Variants in BCAM observed in about 807,000 individuals in gnomAD.
BCAM encodes basal cell adhesion molecule (Lutheran blood group).
A neutral mutation model predicts 72.4 loss-of-function variants in BCAM; 61 were observed. That is an observed-to-expected ratio of 0.84 (90% CI 0.69 to 1.04). The LOEUF (loss-of-function observed/expected upper bound fraction) is 1.04, where lower values mean the gene tolerates loss of function less well. Among genes scored for constraint, BCAM ranks in the 50% least tolerant of loss-of-function variants. The probability of loss-of-function intolerance (pLI) is 0.00; values close to 1 mark genes in which losing one functional copy is unlikely to be tolerated. For missense variants in BCAM, 909 were observed against 895.0 expected (o/e 1.02, Z -0.20); for synonymous variants, 408 against 384.2 (o/e 1.06, Z -0.73).
rs1968583453 is a variant in BCAM at position 44,821,024 on chromosome 19, C to T, written c.*103C>T. The T allele has an allele frequency of 2.9e-6, 4 of 1,367,510 alleles. No individual in the cohort carries two copies. The highest frequency in any genetic ancestry group is 3.8e-6 in the Non-Finnish European group (4 of 1,042,586). The allele number at this position is 1,367,510 out of a possible 1,614,324, so 84.7% of individuals were successfully genotyped here. ...GCCCCCGCCTTCCCTCTTCCCTCTT[C>T]CCTCTCCCTGCCCAGCCCTCCCTTC... is the stretch of plus-strand genomic sequence containing the variant. On this transcript the variant is annotated 3_prime_UTR_variant, in exon 15 of 15. Coordinates refer to ENST00000270233, the MANE Select transcript of BCAM (RefSeq NM_005581.5).
chr19:44,813,794 C>T lies in BCAM; in HGVS notation c.784+174C>T. The T allele has an allele frequency of 1.1e-6, 1 of 950,378 alleles. No individual in the cohort carries two copies. Among genetic ancestry groups the T allele is most frequent in the South Asian group, 1.7e-5 (1 of 57,324 alleles). The allele number at this position is 950,378 out of a possible 1,614,324, so 58.9% of individuals were successfully genotyped here. A position where few individuals can be genotyped will look rare whatever the true frequency, so the allele number is the denominator to read the frequency against. ...CTGACCTCAATTGGTCGCACAAGCC[C>T]CATCCTGACCTCTGACCTCCGACCT... On this transcript the variant is annotated intron_variant, in intron 6 of 14. Coordinates refer to ENST00000270233, the MANE Select transcript of BCAM (RefSeq NM_005581.5). This position sits in a 1 kb window ranked among gnomAD's most constrained non-coding sequence, Gnocchi z 4.2.
chr19:44,817,606 A>G (rs1968519651), intron 8 of BCAM, among the ~76,000 whole-genome samples: 1 of 151,040 alleles, frequency 6.6e-6, no homozygotes, highest in Admixed American at 6.6e-5. Flanking sequence ...GCGCAGTGGC[A>G]CAATCTCGGC....
In BCAM at chr19:44,812,170, G is replaced by A. The variant is rs763340461; in HGVS notation, c.212G>A (p.Arg71His). 14 of 1,600,184 alleles carry A rather than the reference G, an allele frequency of 8.7e-6. No individual in the cohort carries two copies. In the East Asian group the frequency reaches 1.1e-4, roughly 13 times the overall value. ...CCTGCCCCGCGCCCACAGACCGACC[G>A]CTCGGGAGCTCGCCCCCGCCTAGCC... ...HYMLEWFLTD[R>H]SGARPRLASA... is the part of the protein sequence containing the mutation. The change falls in exon 3 of 15, where the codon CGC becomes CAC. Residue 71 changes from arginine to histidine, a missense_variant. Transcript: ENST00000270233. The surrounding 1 kb of genome is among the most constrained non-coding windows in gnomAD (Gnocchi z 5.3).
Position 44,821,313 on chromosome 19 carries a change from C to A in BCAM, c.*392C>A, listed in dbSNP as rs903350146. 3 of 205,998 alleles carry A rather than the reference C, an allele frequency of 1.5e-5. No individual in the cohort carries two copies. The highest frequency in any genetic ancestry group is 2.4e-5 in the African/African-American group (1 of 42,534). The allele number at this position is 205,998 out of a possible 1,614,324, so 12.8% of individuals were successfully genotyped here. Reference sequence around the variant, plus strand: ...GCAGAGTCTGACACTGGATTCCCCCCCCTCACCCCGCCCCTGGTCCCACTC... The same window carrying A: ...GCAGAGTCTGACACTGGATTCCCCCACCTCACCCCGCCCCTGGTCCCACTC... On this transcript the variant is annotated 3_prime_UTR_variant, in exon 15 of 15. Transcript: ENST00000270233.
At chr19:44,811,582 GAGAC>G in intron 2 of BCAM, 1 of 539,710 alleles carries the variant, frequency 1.9e-6, no homozygotes, top group South Asian at 2.1e-5. Context: ...AGAGAGAACA[GAGAC>G]AGACATCAAG....
chr19:44,810,771 A>G (rs895136681), intron 1 of BCAM, among the ~76,000 whole-genome samples: 1 of 152,114 alleles, frequency 6.6e-6, no homozygotes, highest in African/African-American at 2.4e-5. Flanking sequence ...TTACCCCAGG[A>G]GTGTTCAGCG....
In BCAM at chr19:44,818,452, C is replaced by T. The variant is rs1162220319; in HGVS notation, c.1079-70C>T. 6 of 1,289,062 alleles carry T rather than the reference C, an allele frequency of 4.7e-6. No homozygotes were observed. The highest frequency in any genetic ancestry group is 6.6e-6 in the Non-Finnish European group (6 of 903,038). The allele number at this position is 1,289,062 out of a possible 1,614,324, so 79.9% of individuals were successfully genotyped here. A position where few individuals can be genotyped will look rare whatever the true frequency, so the allele number is the denominator to read the frequency against. ...TGTCCATTCATGTTTGCACCCCCGA[C>T]CGCCCCTGGAGAGCCCCTAATTGAG... On this transcript the variant is annotated intron_variant, in intron 8 of 14. Coordinates refer to ENST00000270233, the MANE Select transcript of BCAM (RefSeq NM_005581.5). This position sits in a 1 kb window ranked among gnomAD's most constrained non-coding sequence, Gnocchi z 4.6.
In BCAM at chr19:44,812,616, G is replaced by T; in HGVS notation, c.504+68G>T. 1 of 1,575,744 alleles carries T rather than the reference G, an allele frequency of 6.3e-7. No individual in the cohort carries two copies. The highest frequency in any genetic ancestry group is 1.1e-5 in the South Asian group (1 of 87,866). ...AGGGGACAGGGCCCTGGACTCCTGG[G>T]TCTGAGGGAGGAGGGGCTGGGGACC... On this transcript the variant is annotated intron_variant, in intron 4 of 14. Coordinates refer to ENST00000270233, the MANE Select transcript of BCAM (RefSeq NM_005581.5). This position sits in a 1 kb window ranked among gnomAD's most constrained non-coding sequence, Gnocchi z 5.3.
Position 44,821,213 on chromosome 19 carries a change from G to C in BCAM, c.*292G>C, listed in dbSNP as rs1968587312. 2 of 387,832 alleles carry C rather than the reference G, an allele frequency of 5.2e-6. No homozygotes were observed. The highest frequency in any genetic ancestry group is 9.1e-6 in the Non-Finnish European group (2 of 219,490). The allele number at this position is 387,832 out of a possible 1,614,324, so 24.0% of individuals were successfully genotyped here. A position where few individuals can be genotyped will look rare whatever the true frequency, so the allele number is the denominator to read the frequency against. ...AGCCCAAGGCCCAGCCTGGGACAAG[G>C]CTCCGAGGGTCGGCTGGCCGGAGCT... On this transcript the variant is annotated 3_prime_UTR_variant, in exon 15 of 15. Coordinates refer to ENST00000270233, the MANE Select transcript of BCAM (RefSeq NM_005581.5).
rs561629931 is a variant in BCAM, at chr19:44,812,404, G to A, written c.433+13G>A. On this transcript the variant is annotated intron_variant, in intron 3 of 14. Coordinates refer to ENST00000270233, the MANE Select transcript of BCAM (RefSeq NM_005581.5). This position sits in a 1 kb window ranked among gnomAD's most constrained non-coding sequence, Gnocchi z 5.3. The stretch of plus-strand genomic sequence containing the variant: ...CTCAACGTGTTTGGTAAGTGTCCTC[G>A]GGCATCCCCCGAAGGGAGGCAGGCA... 91 of 1,614,064 alleles carry A rather than the reference G, an allele frequency of 5.6e-5. No homozygotes were observed. In the South Asian group the frequency reaches 7.4e-4, roughly 13 times the overall value.
intron 8 of BCAM, among the ~76,000 whole-genome samples, chr19:44,817,324 C>T (rs1968515714): frequency 6.6e-6 from 1 of 152,134 alleles, no homozygotes; most frequent in South Asian, 2.1e-4. Context: ...TGAGGCAGGC[C>T]CCAACTTGGT....
Position 44,812,766 on chromosome 19 carries a change from A to G in BCAM, c.504+218A>G. The stretch of plus-strand genomic sequence containing the variant: ...GGAGTTCCAGACCAGCCTGGCCAAC[A>G]TAATGAAACCCCGTCTCTACTAAAG... On this transcript the variant is annotated intron_variant, in intron 4 of 14. Coordinates refer to ENST00000270233, the MANE Select transcript of BCAM (RefSeq NM_005581.5). This position sits in a 1 kb window ranked among gnomAD's most constrained non-coding sequence, Gnocchi z 5.3. The G allele has an allele frequency of 1.8e-6, 1 of 568,730 alleles. No homozygotes were observed. Among genetic ancestry groups the G allele is most frequent in the African/African-American group, 1.9e-5 (1 of 53,292 alleles). The allele number at this position is 568,730 out of a possible 1,614,324, so 35.2% of individuals were successfully genotyped here.
Position 44,819,607 on chromosome 19 carries a change from A to T in BCAM, c.1644A>T (p.Gly548=). The change falls in exon 13 of 15, where the codon GGA becomes GGT. Residue 548 remains glycine (G), a synonymous_variant. Transcript: ENST00000270233. ...TGAGCCCCCAGACCTCCCAGGCTGG[A>T]GTGGCCGTCATGGCCGTGGCCGTCA... ...GTVSPQTSQA[G]VAVMAVAVSV... 1 of 1,613,414 alleles carries T rather than the reference A, an allele frequency of 6.2e-7. No homozygotes were observed. Among genetic ancestry groups the T allele is most frequent in the South Asian group, 1.1e-5 (1 of 91,048 alleles).
Position 44,819,171 on chromosome 19 carries a change from C to T in BCAM, c.1452C>T (p.Ser484=). The T allele has an allele frequency of 6.2e-7, 1 of 1,614,096 alleles. No individual in the cohort carries two copies. Among genetic ancestry groups the T allele is most frequent in the Non-Finnish European group, 8.5e-7 (1 of 1,179,968 alleles). ...GCGGCCATCCAGACCCCAAACTCAGCTGGAGCCAATTGGGGGGCAGCGTAA... is the reference window on the plus strand; with the variant it reads ...GCGGCCATCCAGACCCCAAACTCAGTTGGAGCCAATTGGGGGGCAGCGTAA... ...SARGHPDPKL[S]WSQLGGSPAE... is the part of the protein sequence containing the mutation. Residue 484 remains serine, a synonymous_variant, in exon 11 of 15, where the codon AGC becomes AGT. Transcript: ENST00000270233.
chr19:44,812,787 T>C lies in BCAM; in HGVS notation c.504+239T>C, dbSNP rs534149002. 1.9e-5 allele frequency: 10 copies of C among 524,648 alleles called. No individual in the cohort carries two copies. In the East Asian group the frequency reaches 3.4e-4, roughly 18 times the overall value. The allele number at this position is 524,648 out of a possible 1,614,324, so 32.5% of individuals were successfully genotyped here. ...CAACATAATGAAACCCCGTCTCTACTAAAGATACAAAAATTAGCTGGGTGT... is the reference window on the plus strand; with the variant it reads ...CAACATAATGAAACCCCGTCTCTACCAAAGATACAAAAATTAGCTGGGTGT... On this transcript the variant is annotated intron_variant, in intron 4 of 14. Coordinates refer to ENST00000270233, the MANE Select transcript of BCAM (RefSeq NM_005581.5). The surrounding 1 kb of genome is among the most constrained non-coding windows in gnomAD (Gnocchi z 5.3).
rs1968528310 is a variant in BCAM, at chr19:44,818,318, G to A, written c.1079-204G>A. 1.3e-5 allele frequency among the ~76,000 whole-genome samples: 2 copies of A among 152,200 alleles called. No homozygotes were observed. Among genetic ancestry groups the A allele is most frequent in the Admixed American group, 1.3e-4 (2 of 15,274 alleles). On this transcript the variant is annotated intron_variant, in intron 8 of 14. Coordinates refer to ENST00000270233, the MANE Select transcript of BCAM (RefSeq NM_005581.5). The surrounding 1 kb of genome is among the most constrained non-coding windows in gnomAD (Gnocchi z 4.6). ...AAGTAATTGACTTGGGCATGTCAAT[G>A]TTGGGGTTAGACTGCTAGATTTTTG...
At position 44,813,157 on chromosome 19, in the gene BCAM, C is replaced by T; in HGVS notation, c.505-93C>T. 1.4e-6 allele frequency: 2 copies of T among 1,416,622 alleles called. No homozygotes were observed. The highest frequency in any genetic ancestry group is 1.9e-6 in the Non-Finnish European group (2 of 1,027,138). The allele number at this position is 1,416,622 out of a possible 1,614,324, so 87.8% of individuals were successfully genotyped here. A position where few individuals can be genotyped will look rare whatever the true frequency, so the allele number is the denominator to read the frequency against. On this transcript the variant is annotated intron_variant, in intron 4 of 14. Coordinates refer to ENST00000270233, the MANE Select transcript of BCAM (RefSeq NM_005581.5). The surrounding 1 kb of genome is among the most constrained non-coding windows in gnomAD (Gnocchi z 4.2). Reference sequence around the variant, plus strand: ...GGAGAGTCGGGAGTTAGGAGCCCGGCTCATGAGTCTGAGTGGGGAGAACTC... The same window carrying T: ...GGAGAGTCGGGAGTTAGGAGCCCGGTTCATGAGTCTGAGTGGGGAGAACTC...
rs1037186951 is a variant in BCAM, at chr19:44,821,004, C to T, written c.*83C>T. ...GCCCTGCTCACGCCATGCCCGCCCC[C>T]GCCTTCCCTCTTCCCTCTTCCCTCT... On this transcript the variant is annotated 3_prime_UTR_variant, in exon 15 of 15. Coordinates refer to ENST00000270233, the MANE Select transcript of BCAM (RefSeq NM_005581.5). 4.9e-6 allele frequency: 7 copies of T among 1,429,896 alleles called. No homozygotes were observed. Among genetic ancestry groups the T allele is most frequent in the Middle Eastern group, 2.3e-4 (1 of 4,338 alleles). The allele number at this position is 1,429,896 out of a possible 1,614,324, so 88.6% of individuals were successfully genotyped here.
At chr19:44,811,577 G>GAA in intron 2 of BCAM, 1 of 560,142 alleles carries the variant, frequency 1.8e-6, no homozygotes, top group East Asian at 3.9e-5. Flanking sequence ...TTGAGAGAGA[G>GAA]AACAGAGACA....
Sources: allele counts gnomAD v4.1 joint callset (sites outside exome capture counted in the v4.1 genomes callset), GRCh38; gene constraint gnomAD v4.1.1; non-coding constraint Gnocchi (gnomAD v3.1); transcripts MANE v1.5; gene names NCBI Gene and HGNC (gene_info 2026-07-23, HGNC 2026-07-21).